AIG1: variants seen among roughly 807,000 people sequenced by gnomAD.
AIG1 encodes the protein androgen-induced gene 1 protein.
A neutral mutation model predicts 31.4 loss-of-function variants in AIG1; 23 were observed. That is an observed-to-expected ratio of 0.73 (90% confidence interval 0.53 to 1.04). The LOEUF (loss-of-function observed/expected upper bound fraction) is 1.04, where lower values mean the gene tolerates loss of function less well. Among genes scored for constraint, AIG1 ranks in the 50% least tolerant of loss-of-function variants. The probability of loss-of-function intolerance (pLI) is 0.00; values close to 1 mark genes in which losing one functional copy is unlikely to be tolerated. For missense variants in AIG1, 274 were observed against 295.0 expected (o/e 0.93, Z 0.52); for synonymous variants, 100 against 110.5 (o/e 0.90, Z 0.60).
In AIG1 at chr6:143,334,531, T is replaced by G. The variant is rs777351709; in HGVS notation, c.679+1086T>G. ...GGTTTCTTTTCTCATCAGCTTTTGA[T>G]TTTAATCAATGTTCTATTAGAAAAA... On this transcript the variant is annotated intron_variant, in intron 5 of 5. Coordinates refer to ENST00000357847, the MANE Select transcript of AIG1 (RefSeq NM_016108.4). This position sits in a 1 kb window ranked among gnomAD's most constrained non-coding sequence, Gnocchi z 5.1. 6.6e-6 allele frequency among the ~76,000 whole-genome samples: 1 copy of G among 152,230 alleles called. No homozygotes were observed. Among genetic ancestry groups the G allele is most frequent in the Non-Finnish European group, 1.5e-5 (1 of 68,036 alleles).
intron 1 of AIG1, among the ~76,000 whole-genome samples, chr6:143,113,987 G>A (rs1472362381): frequency 1.3e-5 from 2 of 152,080 alleles, no homozygotes; most frequent in East Asian, 3.9e-4. Flanking sequence ...TGTTAGGCAG[G>A]ATGGTCTTGA....
rs749425490 is a variant in AIG1 at position 143,326,585 on chromosome 6, A to C, written c.516-6697A>C. 6.6e-6 allele frequency among the ~76,000 whole-genome samples: 1 copy of C among 152,206 alleles called. No homozygotes were observed. The highest frequency in any genetic ancestry group is 1.5e-5 in the Non-Finnish European group (1 of 68,038). On this transcript the variant is annotated intron_variant, in intron 4 of 5. Coordinates refer to ENST00000357847, the MANE Select transcript of AIG1 (RefSeq NM_016108.4). This position sits in a 1 kb window ranked among gnomAD's most constrained non-coding sequence, Gnocchi z 4.5. The stretch of plus-strand genomic sequence containing the variant: ...TATTTAAATAAAGATATTCAAATTT[A>C]AGTATGAATAAAAGAGCTTTAAAAA...
intron 4 of AIG1, among the ~76,000 whole-genome samples, chr6:143,315,124 T>A (rs1393408328): frequency 6.6e-6 from 1 of 152,100 alleles, no homozygotes; most frequent in Non-Finnish European, 1.5e-5. Flanking sequence ...TAGAATGATG[T>A]CTTTTGTTTC....
chr6:143,135,051 C>T (rs1783609272), intron 1 of AIG1, among the ~76,000 whole-genome samples: 3 of 152,052 alleles, frequency 2.0e-5, no homozygotes, highest in South Asian at 2.1e-4. Context: ...TTTTTCAAAG[C>T]GGTTGTCCAG....
chr6:143,122,232 TG>T (rs2128502144), intron 1 of AIG1, among the ~76,000 whole-genome samples: 1 of 152,320 alleles, frequency 6.6e-6, no homozygotes, highest in South Asian at 2.1e-4. Flanking sequence ...TGGAAGGTTT[TG>T]GATTTGTTTT....
downstream of AIG1, among the ~76,000 whole-genome samples, chr6:143,341,828 T>C (rs980553883): frequency 6.6e-6 from 1 of 152,236 alleles, no homozygotes; most frequent in African/African-American, 2.4e-5. Flanking sequence ...ATTGTAAGCT[T>C]ACTTAGGCGG....
chr6:143,102,569 A>C (rs935489724), intron 1 of AIG1, among the ~76,000 whole-genome samples: 12 of 147,850 alleles, frequency 8.1e-5, no homozygotes, highest in Admixed American at 1.4e-4. Flanking sequence ...TGTTATATAA[A>C]TATATATAAT....
At chr6:143,254,992 T>G (rs895102026) in intron 3 of AIG1, among the ~76,000 whole-genome samples, 1 of 152,114 alleles carries the variant, frequency 6.6e-6, no homozygotes, top group Non-Finnish European at 1.5e-5. Context: ...GAGCCCATGA[T>G]CATTCTGCTG....
At chr6:143,187,710 T>C in intron 3 of AIG1, 1 of 1,536,048 alleles carries the variant, frequency 6.5e-7, no homozygotes, top group Non-Finnish European at 8.7e-7. Flanking sequence ...CACAGAAAGC[T>C]TGCTCCAGCA....
intron 3 of AIG1, among the ~76,000 whole-genome samples, chr6:143,232,816 C>T (rs1793536801): frequency 6.6e-6 from 1 of 152,164 alleles, no homozygotes; most frequent in Non-Finnish European, 1.5e-5. Context: ...CTCCATGGCA[C>T]CATATTAGCT....
At chr6:143,165,216 T>C in intron 3 of AIG1, 33 bp downstream of exon 3, 1 of 1,526,030 alleles carries the variant, frequency 6.6e-7, no homozygotes, top group Non-Finnish European at 9.1e-7. Context: ...CTTTCTTTTA[T>C]TTTAAAAAAT....
At chr6:143,290,988 G>T (rs1029279267) in intron 4 of AIG1, among the ~76,000 whole-genome samples, 4 of 152,054 alleles carry the variant, frequency 2.6e-5, no homozygotes, top group Non-Finnish European at 5.9e-5. Flanking sequence ...TTGAGTTTTG[G>T]ATCTAGGGGA....
chr6:143,170,817 CCA>C (rs1787433685), intron 3 of AIG1, among the ~76,000 whole-genome samples: 1 of 151,356 alleles, frequency 6.6e-6, no homozygotes, highest in Non-Finnish European at 1.5e-5. Context: ...TCAGAAATCA[CCA>C]CTAAAGAATT....
chr6:143,061,229 G>A (rs775445430), intron 1 of AIG1, 163 bp downstream of exon 1: 5 of 877,476 alleles, frequency 5.7e-6, no homozygotes, highest in African/African-American at 5.0e-5. Context: ...GCGTGTGAAG[G>A]CCTGGCTGCC....
chr6:143,112,610 A>G (rs1353986981), intron 1 of AIG1, among the ~76,000 whole-genome samples: 1 of 152,204 alleles, frequency 6.6e-6, no homozygotes. Context: ...CAAGTACCAG[A>G]TGACAGGTAT....
chr6:143,196,642 T>C (rs1440955315), intron 3 of AIG1, among the ~76,000 whole-genome samples: 2 of 152,194 alleles, frequency 1.3e-5, no homozygotes, highest in Admixed American at 1.3e-4. Flanking sequence ...CATTGGACTT[T>C]GGGCTCCAGG....
intron 3 of AIG1, among the ~76,000 whole-genome samples, chr6:143,234,680 T>C (rs1793683127): frequency 6.6e-6 from 1 of 152,196 alleles, no homozygotes; most frequent in Non-Finnish European, 1.5e-5. Flanking sequence ...AAGTGTTCTT[T>C]CTGGAATCGG....
intron 4 of AIG1, among the ~76,000 whole-genome samples, chr6:143,313,379 G>C (rs1488186709): frequency 8.5e-5 from 13 of 152,134 alleles, no homozygotes; most frequent in Admixed American, 8.5e-4. Context: ...GCCATGAAAA[G>C]AAGGAGGTTC....
chr6:143,090,799 G>T (rs1355568022), intron 1 of AIG1, among the ~76,000 whole-genome samples: 1 of 152,218 alleles, frequency 6.6e-6, no homozygotes, highest in Non-Finnish European at 1.5e-5. Context: ...GTTGCTGAAG[G>T]TTGGGGTGAC....
Sources: allele counts gnomAD v4.1 joint callset (sites outside exome capture counted in the v4.1 genomes callset), GRCh38; gene constraint gnomAD v4.1.1; non-coding constraint Gnocchi (gnomAD v3.1); transcripts MANE v1.5; gene names NCBI Gene and HGNC (gene_info 2026-07-23, HGNC 2026-07-21).